ERBB4: variants seen among roughly 807,000 people sequenced by gnomAD.
ERBB4 encodes the protein erb-b2 receptor tyrosine kinase 4, also known as receptor tyrosine-protein kinase erbB-4.
In ERBB4, 42 loss-of-function variants were observed where a neutral mutation model predicts 158.0. The ratio of observed to expected loss-of-function variants is 0.27; its 90% CI spans 0.21 to 0.34. The LOEUF (loss-of-function observed/expected upper bound fraction) is 0.34, where lower values mean the gene tolerates loss of function less well. Among genes scored for constraint, ERBB4 ranks in the 10% least tolerant of loss-of-function variants. The probability of loss-of-function intolerance (pLI) is 1.00; values close to 1 mark genes in which losing one functional copy is unlikely to be tolerated. For missense variants in ERBB4, 1,333 were observed against 1,624.1 expected (o/e 0.82, Z 3.08); for synonymous variants, 583 against 558.7 (o/e 1.04, Z -0.61).
At chr2:211,568,410 C>A (rs976145630) in intron 19 of ERBB4, among the ~76,000 whole-genome samples, 5 of 152,046 alleles carry the variant, frequency 3.3e-5, no homozygotes, top group Non-Finnish European at 5.9e-5. Flanking sequence ...AATAAGTGAG[C>A]AATACCATTT....
intron 20 of ERBB4, 33 bp downstream of exon 20, chr2:211,561,870 A>G: frequency 2.5e-6 from 4 of 1,580,572 alleles, no homozygotes; most frequent in Non-Finnish European, 3.5e-6. Context: ...TAACCTAAAA[A>G]TGTAATTTCC....
intron 3 of ERBB4, among the ~76,000 whole-genome samples, chr2:211,857,347 T>A (rs112891769): frequency 6.6e-6 from 1 of 152,170 alleles, no homozygotes; most frequent in Non-Finnish European, 1.5e-5. Flanking sequence ...AGTGTTGCTA[T>A]AAGAAACCCT....
At chr2:212,183,639 T>C (rs1219033864) in intron 1 of ERBB4, among the ~76,000 whole-genome samples, 1 of 152,022 alleles carries the variant, frequency 6.6e-6, no homozygotes, top group African/African-American at 2.4e-5. Flanking sequence ...TACTGCACTA[T>C]GGAGAAGTTT....
chr2:212,055,332 A>C (rs1402581763), intron 2 of ERBB4, among the ~76,000 whole-genome samples: 1 of 152,160 alleles, frequency 6.6e-6, no homozygotes, highest in Non-Finnish European at 1.5e-5. Flanking sequence ...ATGACAGCTG[A>C]ATGAGGCCTC....
At chr2:211,693,395 A>C (rs912372184) in intron 12 of ERBB4, among the ~76,000 whole-genome samples, 1 of 152,022 alleles carries the variant, frequency 6.6e-6, no homozygotes, top group Admixed American at 6.6e-5. Context: ...ATGCAAAAAA[A>C]CCCCACTATT....
chr2:212,107,670 C>A (rs930835057), intron 2 of ERBB4, among the ~76,000 whole-genome samples: 44 of 152,214 alleles, frequency 2.9e-4, no homozygotes, highest in Admixed American at 7.9e-4. Context: ...TTGGCTGTGT[C>A]CCCACCCAAA....
intron 19 of ERBB4, among the ~76,000 whole-genome samples, chr2:211,580,787 G>GATATATATATATATATAT (rs58919262): frequency 4.4e-5 from 3 of 67,720 alleles, no homozygotes; most frequent in African/African-American, 1.5e-4. Flanking sequence ...AAGAAATTGT[G>GATATATATATATATATAT]ATATATATAT....
chr2:212,110,799 T>C (rs2079381587), intron 2 of ERBB4, among the ~76,000 whole-genome samples: 1 of 152,254 alleles, frequency 6.6e-6, no homozygotes, highest in East Asian at 1.9e-4. Context: ...ACCTAGATTA[T>C]TGCCCCAAAT....
intron 20 of ERBB4, among the ~76,000 whole-genome samples, chr2:211,518,366 C>T (rs2066093908): frequency 7.0e-6 from 1 of 143,384 alleles, no homozygotes. Context: ...CTTGGAAACA[C>T]ACTAGGTCAA....
intron 3 of ERBB4, among the ~76,000 whole-genome samples, chr2:211,944,206 A>ATAAATATATATATAG (rs1553517918): frequency 9.6e-6 from 1 of 104,060 alleles, no homozygotes; most frequent in Non-Finnish European, 1.8e-5. Flanking sequence ...TATACTATAT[A>ATAAATATATATATAG]TATATATACA....
At chr2:211,637,515 ATGAAAATGTC>A (rs1468238455) in intron 16 of ERBB4, among the ~76,000 whole-genome samples, 1 of 152,096 alleles carries the variant, frequency 6.6e-6, no homozygotes, top group Non-Finnish European at 1.5e-5. Flanking sequence ...TCTAATAAAA[ATGAAAATGTC>A]ATATTTTCTT....
In ERBB4 at chr2:212,430,427, C is replaced by T. The variant is rs191167861; in HGVS notation, c.82+108022G>A. The stretch of plus-strand genomic sequence containing the variant: ...GTCTCTTTGCAGGTTGCAATTACTT[C>T]GCATGTTGGTTTTTTTTTTTTTCTT... On this transcript the variant is annotated intron_variant, in intron 1 of 27. Transcript: ENST00000342788. Among the ~76,000 whole-genome samples the T allele has an allele frequency of 3.2e-3, 475 of 150,294 alleles. 4 individuals carry two copies. Among genetic ancestry groups the T allele is most frequent in the African/African-American group, 0.011 (453 of 41,240 alleles).
chr2:212,147,008 T>TTTTTTTTTA (rs2080698064), intron 1 of ERBB4, among the ~76,000 whole-genome samples: 1 of 146,472 alleles, frequency 6.8e-6, no homozygotes, highest in Non-Finnish European at 1.5e-5. Context: ...TTTTTTTTTT[T>TTTTTTTTTA]GAGACAGGGT....
chr2:211,454,939 C>CA (rs1559184705), intron 20 of ERBB4, among the ~76,000 whole-genome samples: 1 of 152,226 alleles, frequency 6.6e-6, no homozygotes, highest in Non-Finnish European at 1.5e-5. Flanking sequence ...GATGTGCTGT[C>CA]AATATTGCCT....
At chr2:212,091,409 T>C (rs755889089) in intron 2 of ERBB4, among the ~76,000 whole-genome samples, 1 of 152,186 alleles carries the variant, frequency 6.6e-6, no homozygotes, top group African/African-American at 2.4e-5. Context: ...CTTACATCCC[T>C]ACTTCACTGA....
At chr2:212,268,457 T>C (rs2085229005) in intron 1 of ERBB4, among the ~76,000 whole-genome samples, 1 of 151,878 alleles carries the variant, frequency 6.6e-6, no homozygotes, top group African/African-American at 2.4e-5. Flanking sequence ...TATATAAATA[T>C]CTATGTATTA....
chr2:211,713,885 G>A (rs2073804002), intron 7 of ERBB4, among the ~76,000 whole-genome samples: 1 of 152,052 alleles, frequency 6.6e-6, no homozygotes, highest in Non-Finnish European at 1.5e-5. Flanking sequence ...ATATTGAATT[G>A]CCCCCAAGAT....
chr2:211,806,405 A>G (rs1291202917), intron 3 of ERBB4, among the ~76,000 whole-genome samples: 1 of 152,200 alleles, frequency 6.6e-6, no homozygotes, highest in Non-Finnish European at 1.5e-5. Flanking sequence ...TCACTAAATT[A>G]TGAGTATAGA....
intron 12 of ERBB4, among the ~76,000 whole-genome samples, chr2:211,687,466 T>C (rs1209376322): frequency 6.6e-6 from 1 of 151,898 alleles, no homozygotes; most frequent in African/African-American, 2.4e-5. Context: ...AAGTCTACAC[T>C]CTCCTCTCTT....
Sources: allele counts gnomAD v4.1 joint callset (sites outside exome capture counted in the v4.1 genomes callset), GRCh38; gene constraint gnomAD v4.1.1; transcripts MANE v1.5; gene names NCBI Gene and HGNC (gene_info 2026-07-23, HGNC 2026-07-21).